ACP2: variants seen among roughly 807,000 people sequenced by gnomAD.
The protein encoded by ACP2 is acid phosphatase 2, lysosomal.
Under a neutral mutation model 54.7 loss-of-function variants are expected in ACP2, and 35 were observed. The ratio of observed to expected loss-of-function variants is 0.64; its 90% CI spans 0.49 to 0.85. The LOEUF is 0.85. Ranked by LOEUF, ACP2 falls within the 40% of genes least tolerant of loss-of-function variation. ACP2 has a pLI of 0.00. For synonymous variants in ACP2, 210 were observed against 224.4 expected (o/e 0.94, Z 0.57); for missense variants, 492 against 565.0 (o/e 0.87, Z 1.31).
chr11:47,240,389 T>C (rs924804906), intron 10 of ACP2, 140 bp from the exon 11 acceptor site: 6 of 588,676 alleles, frequency 1.0e-5, no homozygotes, highest in Non-Finnish European at 1.9e-5. Flanking sequence ...GGAGAGGGGA[T>C]GTAATAAATA....
At chr11:47,242,613 C>G in intron 10 of ACP2, 110 bp downstream of exon 10, 1 of 1,365,908 alleles carries the variant, frequency 7.3e-7, no homozygotes, top group Non-Finnish European at 1.0e-6. Context: ...GGAGGGAACT[C>G]CTAGCAAATG....
At chr11:47,247,849 G>T (rs1954249834) in intron 2 of ACP2, 122 bp from the exon 3 acceptor site, 2 of 1,055,614 alleles carry the variant, frequency 1.9e-6, no homozygotes, top group East Asian at 5.0e-5. Context: ...TCTGATCCCA[G>T]AAGTCTTTCA....
At chr11:47,244,043 G>A (rs1176968288) in intron 7 of ACP2, among the ~76,000 whole-genome samples, 9 of 152,122 alleles carry the variant, frequency 5.9e-5, no homozygotes, top group Admixed American at 4.6e-4. Context: ...AGGCTGAGGC[G>A]GGAGAATCGC....
chr11:47,244,982 A>G lies in ACP2; in HGVS notation c.640-115T>C, dbSNP rs1954012289. On this transcript the variant is annotated intron_variant, in intron 6 of 10. Transcript: ENST00000672073. ...TGTGTGAGGGAGGGAGAGGGGAGAG[A>G]GGCAGAGGGGCTGGAACCAGTAGAC... The G allele has an allele frequency of 4.8e-6, 7 of 1,463,436 alleles. No homozygotes were observed. The African/African-American group carries it at 9.9e-5, about 21-fold the overall frequency. The allele number at this position is 1,463,436 out of a possible 1,614,324, so 90.7% of individuals were successfully genotyped here. A position where few individuals can be genotyped will look rare whatever the true frequency, so the allele number is the denominator to read the frequency against.
Position 47,245,467 on chromosome 11 carries a change from C to A in ACP2, c.549+7G>T. The A allele has an allele frequency of 6.2e-7, 1 of 1,614,226 alleles. No homozygotes were observed. ...GCGTGGTGAGCTGCACCTCTGCCCC[C>A]ACTCACTGCATTCCGAGAACTCTCA... On this transcript the variant is annotated splice_region_variant and intron_variant, in intron 5 of 10. Coordinates refer to ENST00000672073, the MANE Select transcript of ACP2 (RefSeq NM_001610.4).
In ACP2 at chr11:47,245,506, G is replaced by C; in HGVS notation, c.517C>G (p.Pro173Ala). The part of the protein sequence containing the change: ...EQLQNETRQT[P>A]EYQNESSRNA... ...CGAGAACTCTCATTCTGATACTCTG[G>C]TGTCTGCCGGGTCTCGTTCTGCAGC... Residue 173 changes from proline to alanine, a missense_variant, in exon 5 of 11, where the codon CCA becomes GCA. Pro to Ala is a conservative substitution (Grantham distance 27, BLOSUM62 -1). Transcript: ENST00000672073. 1.2e-6 allele frequency: 2 copies of C among 1,614,222 alleles called. No homozygotes were observed. Among genetic ancestry groups the C allele is most frequent in the Non-Finnish European group, 8.5e-7 (1 of 1,180,042 alleles).
In ACP2 at chr11:47,248,753, G is replaced by C. The variant is rs770913830; in HGVS notation, c.37C>G (p.Leu13Val). The change falls in exon 1 of 11, where the codon CTC becomes GTC. Residue 13 changes from leucine to valine, a missense_variant. Transcript: ENST00000672073. ...TTCACGCCGAGAAGGAGCTGGAGGA[G>C]AGCCGCCCGGCTCCAGCCGGACCGC... ...GKRSGWSRAA[L>V]LQLLLGVNLV... 1.2e-5 allele frequency: 19 copies of C among 1,605,532 alleles called. No homozygotes were observed. Among genetic ancestry groups the C allele is most frequent in the African/African-American group, 8.0e-5 (6 of 74,864 alleles).
chr11:47,243,337 C>G lies in ACP2; in HGVS notation c.773-16G>C. On this transcript the variant is annotated splice_polypyrimidine_tract_variant and intron_variant, in intron 7 of 10. Coordinates refer to ENST00000672073, the MANE Select transcript of ACP2 (RefSeq NM_001610.4). ...AGCAGGACTCCTGAAGGAGAAAAGT[C>G]CCCGGTGTTGCTGGCTACAGCCACC... 1 of 1,612,072 alleles carries G rather than the reference C, an allele frequency of 6.2e-7. No individual in the cohort carries two copies. The highest frequency in any genetic ancestry group is 1.1e-5 in the South Asian group (1 of 91,026).
In ACP2 at chr11:47,245,964, A is replaced by G; in HGVS notation, c.298-130T>C. On this transcript the variant is annotated intron_variant, in intron 3 of 10. Coordinates refer to ENST00000672073, the MANE Select transcript of ACP2 (RefSeq NM_001610.4). The stretch of plus-strand genomic sequence containing the variant: ...TGGTGGGAAGTTTTGGTCACCCCAA[A>G]GTGGAGCCCCAGAGGAGAACCTGTT... 2 of 1,399,364 alleles carry G rather than the reference A, an allele frequency of 1.4e-6. 1 individual carries two copies. Among genetic ancestry groups the G allele is most frequent in the Middle Eastern group, 5.2e-4 (2 of 3,836 alleles). The allele number at this position is 1,399,364 out of a possible 1,614,324, so 86.7% of individuals were successfully genotyped here. A position where few individuals can be genotyped will look rare whatever the true frequency, so the allele number is the denominator to read the frequency against.
At chr11:47,241,034 A>G (rs1473076085) in intron 10 of ACP2, among the ~76,000 whole-genome samples, 1 of 152,172 alleles carries the variant, frequency 6.6e-6, no homozygotes, top group East Asian at 1.9e-4. Flanking sequence ...AGCCTGGCAC[A>G]TGCTAGTATC....
In ACP2 at chr11:47,243,330, GAA is replaced by G; in HGVS notation, c.773-11_773-10del. On this transcript the variant is annotated splice_polypyrimidine_tract_variant and intron_variant, in intron 7 of 10. Coordinates refer to ENST00000672073, the MANE Select transcript of ACP2 (RefSeq NM_001610.4). The stretch of plus-strand genomic sequence containing the variant: ...CTGAGCCAGCAGGACTCCTGAAGGA[GAA>G]AAGTCCCCGGTGTTGCTGGCTACAG... 6.2e-7 allele frequency: 1 copy of G among 1,613,722 alleles called. No individual in the cohort carries two copies. Among genetic ancestry groups the G allele is most frequent in the Non-Finnish European group, 8.5e-7 (1 of 1,179,646 alleles).
rs749351134 is a variant in ACP2, at chr11:47,244,694, G to T, written c.772+41C>A. 8.0e-6 allele frequency: 12 copies of T among 1,508,858 alleles called. No homozygotes were observed. The African/African-American group carries it at 1.1e-4, about 14-fold the overall frequency. 93.5% of individuals were successfully genotyped at this position (1,508,858 alleles called of 1,614,324 possible). ...CCACAGCAGATTTTTAACGCCTTAG[G>T]GTCCTGAGGAGTAGAGTGACACGCT... On this transcript the variant is annotated intron_variant, in intron 7 of 10. Transcript: ENST00000672073.
Position 47,243,118 on chromosome 11 carries a change from T to A in ACP2, c.862A>T (p.Thr288Ser). ...GCCATTTGCAGGGCAACCAGGGTAG[T>A]GTCGTGCTGCGGGGGAGAGGGGCTG... ...PKLLVYSAHD[T>S]TLVALQMALD... The change falls in exon 9 of 11, where the codon ACT becomes TCT. Residue 288 changes from threonine (T) to serine (S), a missense_variant. By Grantham distance (58) the Thr-to-Ser change is moderately conservative. Coordinates refer to ENST00000672073, the MANE Select transcript of ACP2 (RefSeq NM_001610.4). 1.9e-6 allele frequency: 3 copies of A among 1,614,212 alleles called. No homozygotes were observed. Among genetic ancestry groups the A allele is most frequent in the Non-Finnish European group, 2.5e-6 (3 of 1,180,024 alleles).
At chr11:47,244,145 T>C (rs1953968734) in intron 7 of ACP2, among the ~76,000 whole-genome samples, 2 of 149,788 alleles carry the variant, frequency 1.3e-5, no homozygotes, top group South Asian at 2.1e-4. Flanking sequence ...TCAAAATAAA[T>C]AGGCTGGGTA....
In ACP2 at chr11:47,242,871, C is replaced by T; in HGVS notation, c.990G>A (p.Arg330=). The T allele has an allele frequency of 6.2e-7, 1 of 1,613,572 alleles. No individual in the cohort carries two copies. The highest frequency in any genetic ancestry group is 1.1e-5 in the South Asian group (1 of 91,054). Residue 330 remains arginine, a synonymous_variant, in exon 10 of 11, where the codon CGG becomes CGA. Coordinates refer to ENST00000672073, the MANE Select transcript of ACP2 (RefSeq NM_001610.4). ...SGNFSVEMYF[R]NESDKAPWPL... ...GCCAGGGGGCCTTGTCACTCTCGTT[C>T]CGAAAGTACATCTCCACTGAGAAAT...
At chr11:47,240,603 T>G (rs1266950661) in intron 10 of ACP2, among the ~76,000 whole-genome samples, 1 of 152,172 alleles carries the variant, frequency 6.6e-6, no homozygotes, top group East Asian at 1.9e-4. Flanking sequence ...GTGGATCACC[T>G]GAGGTCAAGA....
At chr11:47,243,362 C>T (rs1267934793) in intron 7 of ACP2, 41 bp from the exon 8 acceptor site, 2 of 1,556,774 alleles carry the variant, frequency 1.3e-6, no homozygotes. Context: ...CTACAGCCAC[C>T]TCTGCCTTCT....
chr11:47,244,979 G>A (rs1954012197), intron 6 of ACP2, 112 bp from the exon 7 acceptor site: 2 of 1,465,562 alleles, frequency 1.4e-6, no homozygotes, highest in Non-Finnish European at 1.8e-6. Context: ...GGAGAGGGGA[G>A]AGAGGCAGAG....
rs374578639 is a variant in ACP2, at chr11:47,245,849, A to G, written c.298-15T>C. Reference sequence around the variant, plus strand: ...CGCACATAAACCTGCAGCGATAGCAACACAAGTCGTGTGTGTGTGTGTGTG... The same window carrying G: ...CGCACATAAACCTGCAGCGATAGCAGCACAAGTCGTGTGTGTGTGTGTGTG... On this transcript the variant is annotated splice_polypyrimidine_tract_variant and intron_variant, in intron 3 of 10. Coordinates refer to ENST00000672073, the MANE Select transcript of ACP2 (RefSeq NM_001610.4). 62 of 1,436,050 alleles carry G rather than the reference A, an allele frequency of 4.3e-5. No individual in the cohort carries two copies. In the African/African-American group the frequency reaches 1.1e-3, roughly 25 times the overall value. The allele number at this position is 1,436,050 out of a possible 1,614,324, so 89.0% of individuals were successfully genotyped here.
Sources: gnomAD v4.1 joint callset for allele counts (sites outside exome capture counted in the v4.1 genomes callset) on GRCh38, gnomAD v4.1.1 for gene constraint, MANE v1.5 for transcripts, NCBI Gene and HGNC (gene_info 2026-07-23, HGNC 2026-07-21) for gene names.